The following VMP1 variants were observed in gnomAD, a reference collection of about 807,000 sequenced individuals.
VMP1 encodes vacuole membrane protein 1, also known as ectopic P-granules autophagy protein 3 homolog.
A neutral mutation model predicts 56.0 loss-of-function variants in VMP1; 11 were observed. The observed-to-expected ratio is 0.20, with a 90% CI of 0.12 to 0.32. VMP1 has a LOEUF of 0.32. VMP1 is among the 10% of genes least tolerant of loss of function. VMP1 has a pLI of 1.00. For synonymous variants in VMP1, 149 were observed against 165.0 expected (o/e 0.90, Z 0.74); for missense variants, 296 against 490.3 (o/e 0.60, Z 3.74).
chr17:59,738,809 C>T (rs765870628), intron 4 of VMP1, 28 bp from the exon 5 acceptor site: 12 of 1,487,448 alleles, frequency 8.1e-6, no homozygotes, highest in South Asian at 5.8e-5. Context: ...AGAGAATTCA[C>T]GGTTTTCACC....
intron 10 of VMP1, among the ~76,000 whole-genome samples, chr17:59,833,821 C>T (rs1034449502): frequency 6.6e-6 from 1 of 152,138 alleles, no homozygotes; most frequent in African/African-American, 2.4e-5. Context: ...TTATTATTTC[C>T]AGTCCCTTCC....
At chr17:59,772,639 C>T (rs549372204) in intron 6 of VMP1, among the ~76,000 whole-genome samples, 1 of 151,802 alleles carries the variant, frequency 6.6e-6, no homozygotes, top group South Asian at 2.1e-4. Flanking sequence ...CGTGGTGGCA[C>T]ACACCTGTAG....
intron 7 of VMP1, among the ~76,000 whole-genome samples, chr17:59,780,551 G>A (rs1460778329): frequency 6.6e-6 from 1 of 152,014 alleles, no homozygotes; most frequent in African/African-American, 2.4e-5. Flanking sequence ...CTCCTATATT[G>A]GATTTTTCGT....
intron 6 of VMP1, among the ~76,000 whole-genome samples, chr17:59,765,770 T>C (rs893695250): frequency 6.6e-6 from 1 of 151,930 alleles, no homozygotes; most frequent in African/African-American, 2.4e-5. Flanking sequence ...AGGAGGTAGA[T>C]GGGGAGCCAT....
At chr17:59,726,291 G>GTTTTTTTTTTTTTTTTTTTTT (rs541555827) in intron 1 of VMP1, among the ~76,000 whole-genome samples, 1 of 145,058 alleles carries the variant, frequency 6.9e-6, no homozygotes, top group Non-Finnish European at 1.5e-5. Flanking sequence ...AGTTTTTTTT[G>GTTTTTTTTTTTTTTTTTTTTT]TTTTTTTTTT....
chr17:59,784,102 T>A (rs998971415), intron 7 of VMP1, among the ~76,000 whole-genome samples: 3 of 82,074 alleles, frequency 3.7e-5, no homozygotes, highest in African/African-American at 5.4e-5. Flanking sequence ...TCAAAAAGAG[T>A]GTGTGTGTGT....
At chr17:59,756,766 C>T (rs544073756) in intron 5 of VMP1, among the ~76,000 whole-genome samples, 57 of 152,216 alleles carry the variant, frequency 3.7e-4, no homozygotes, top group African/African-American at 1.3e-3. Context: ...CTGAATTAGG[C>T]TAATAATTAA....
intron 10 of VMP1, among the ~76,000 whole-genome samples, chr17:59,831,528 A>T (rs2038804353): frequency 6.6e-6 from 1 of 152,170 alleles, no homozygotes; most frequent in East Asian, 1.9e-4. Context: ...CATATATATT[A>T]AAAACCATAG....
intron 7 of VMP1, among the ~76,000 whole-genome samples, chr17:59,801,094 AT>A (rs1568173272): frequency 4.7e-4 from 46 of 97,210 alleles, no homozygotes; most frequent in Middle Eastern, 4.6e-3. Flanking sequence ...AAAAAAAAAT[AT>A]ATATATATAT....
chr17:59,712,252 C>T lies in VMP1; in HGVS notation c.-27+4504C>T, dbSNP rs113697056. ...TTGCTGCTTACTTAATTATTGTTTGCTCATTATTAATGAAGTTCCAGTAAA... is the reference window on the plus strand; with the variant it reads ...TTGCTGCTTACTTAATTATTGTTTGTTCATTATTAATGAAGTTCCAGTAAA... On this transcript the variant is annotated intron_variant, in intron 1 of 11. Transcript: ENST00000262291. Among the ~76,000 whole-genome samples, 48 of 152,244 alleles carry T rather than the reference C, an allele frequency of 3.2e-4. 1 individual carries two copies. Among genetic ancestry groups the T allele is most frequent in the African/African-American group, 1.2e-3 (48 of 41,538 alleles).
chr17:59,825,711 G>A (rs2038626314), intron 10 of VMP1, among the ~76,000 whole-genome samples: 1 of 152,204 alleles, frequency 6.6e-6, no homozygotes, highest in African/African-American at 2.4e-5. Context: ...GTGTTGGCTG[G>A]AACAGGGACT....
chr17:59,757,914 G>A (rs930873561), intron 5 of VMP1, among the ~76,000 whole-genome samples: 7 of 123,698 alleles, frequency 5.7e-5, no homozygotes, highest in East Asian at 2.5e-4. Flanking sequence ...TCACAGTGGC[G>A]TGATCTCAGC....
intron 5 of VMP1, among the ~76,000 whole-genome samples, chr17:59,757,859 C>CTT (rs66605258): frequency 0.012 from 1,083 of 91,270 alleles, 60 homozygotes; most frequent in African/African-American, 0.042. Context: ...TTATTTGCCA[C>CTT]TTTTTTTTTT....
Position 59,840,131 on chromosome 17 carries a change from A to C in VMP1, c.*220A>C, listed in dbSNP as rs1206177895. On this transcript the variant is annotated 3_prime_UTR_variant, in exon 12 of 12. Coordinates refer to ENST00000262291, the MANE Select transcript of VMP1 (RefSeq NM_030938.5). ...GATGCAATCCACCTTGTGTTTTCTTAGGGTGGAATGTGATGTTCAGCAGCA... is the reference window on the plus strand; with the variant it reads ...GATGCAATCCACCTTGTGTTTTCTTCGGGTGGAATGTGATGTTCAGCAGCA... The C allele has an allele frequency of 5.8e-6, 3 of 521,072 alleles. No homozygotes were observed. Among genetic ancestry groups the C allele is most frequent in the Non-Finnish European group, 9.8e-6 (3 of 305,644 alleles). 32.3% of individuals were successfully genotyped at this position (521,072 alleles called of 1,614,324 possible). A position where few individuals can be genotyped will look rare whatever the true frequency, so the allele number is the denominator to read the frequency against.
chr17:59,820,800 A>G (rs1288433877), intron 10 of VMP1, among the ~76,000 whole-genome samples: 3 of 152,182 alleles, frequency 2.0e-5, no homozygotes, highest in African/African-American at 7.2e-5. Context: ...TGAATAAGTG[A>G]ACACATGACC....
At chr17:59,710,113 C>T (rs1441864215) in intron 1 of VMP1, among the ~76,000 whole-genome samples, 2 of 152,010 alleles carry the variant, frequency 1.3e-5, no homozygotes, top group South Asian at 4.1e-4. Flanking sequence ...AGGAGAATGG[C>T]GCGAACCCAG....
chr17:59,839,751 T>TG lies in VMP1; in HGVS notation c.1078-16dup. On this transcript the variant is annotated splice_polypyrimidine_tract_variant and intron_variant, in intron 11 of 11. Coordinates refer to ENST00000262291, the MANE Select transcript of VMP1 (RefSeq NM_030938.5). ...TGAAGCCTTTTTCATTGCATTGTTC[T>TG]GCATTTATTTCTACAGGGAGAAAAC... The TG allele has an allele frequency of 1.2e-6, 2 of 1,605,170 alleles. No individual in the cohort carries two copies. The highest frequency in any genetic ancestry group is 1.7e-6 in the Non-Finnish European group (2 of 1,177,880).
intron 1 of VMP1, among the ~76,000 whole-genome samples, chr17:59,717,390 CT>C (rs974823981): frequency 2.0e-5 from 3 of 151,124 alleles, no homozygotes; most frequent in Admixed American, 6.6e-5. Context: ...TTTCTAATCT[CT>C]TTTTTTTTGG....
intron 5 of VMP1, among the ~76,000 whole-genome samples, chr17:59,740,330 G>GA (rs1488147013): frequency 3.9e-5 from 6 of 152,062 alleles, no homozygotes; most frequent in Non-Finnish European, 8.8e-5. Flanking sequence ...ATAATAAATT[G>GA]AAAACACTTC....
Sources: gnomAD v4.1 joint callset for allele counts (sites outside exome capture counted in the v4.1 genomes callset) on GRCh38, gnomAD v4.1.1 for gene constraint, MANE v1.5 for transcripts, NCBI Gene and HGNC (gene_info 2026-07-23, HGNC 2026-07-21) for gene names.